PPP4R2: variants seen among roughly 807,000 people sequenced by gnomAD.
PPP4R2 encodes the protein serine/threonine-protein phosphatase 4 regulatory subunit 2.
A neutral mutation model predicts 47.2 loss-of-function variants in PPP4R2; 13 were observed. The ratio of observed to expected loss-of-function variants is 0.28; its 90% CI spans 0.18 to 0.44. The LOEUF (loss-of-function observed/expected upper bound fraction) is 0.44. Ranked by LOEUF, PPP4R2 falls within the 20% of genes least tolerant of loss-of-function variation. The probability of loss-of-function intolerance (pLI) is 1.00; values close to 1 mark genes in which losing one functional copy is unlikely to be tolerated. For missense variants in PPP4R2, 421 were observed against 491.2 expected, an observed-to-expected ratio of 0.86 and a Z score of 1.35; for synonymous variants, 151 against 163.3, an observed-to-expected ratio of 0.92 and a Z score of 0.57.
At chr3:73,002,629 CTTTTCTTTTTTTTTTT>C (rs1371079847) in intron 2 of PPP4R2, among the ~76,000 whole-genome samples, 2 of 83,004 alleles carry the variant, frequency 2.4e-5, no homozygotes, top group Non-Finnish European at 2.4e-5. Flanking sequence ...CTTTTCTTTT[CTTTTCTTTTTTTTTTT>C]TTTTTTTTTT....
intron 2 of PPP4R2, among the ~76,000 whole-genome samples, chr3:73,000,121 C>T (rs1161813952): frequency 6.6e-6 from 1 of 152,162 alleles, no homozygotes; most frequent in East Asian, 1.9e-4. Context: ...TGTGGTGGCT[C>T]ATGCCTGTAT....
At chr3:73,022,277 C>G (rs1003014228) in intron 2 of PPP4R2, among the ~76,000 whole-genome samples, 2 of 151,966 alleles carry the variant, frequency 1.3e-5, no homozygotes, top group African/African-American at 4.8e-5. Flanking sequence ...AAAAATTAGG[C>G]CTGGAGGAAA....
At chr3:73,018,466 G>GTTATGTTTGTTATGTTATGTTATGT (rs1553646475) in intron 2 of PPP4R2, among the ~76,000 whole-genome samples, 1 of 68,746 alleles carries the variant, frequency 1.5e-5, no homozygotes, top group Non-Finnish European at 3.1e-5. Context: ...TGTTATGTTA[G>GTTATGTTTGTTATGTTATGTTATGT]TATCCGAAAC....
intron 2 of PPP4R2, among the ~76,000 whole-genome samples, chr3:73,012,308 CT>C (rs1045600708): frequency 1.3e-5 from 2 of 151,374 alleles, no homozygotes; most frequent in East Asian, 1.9e-4. Context: ...TTTTCTCCTT[CT>C]TTTTTTTTGA....
chr3:73,020,672 T>TAAAAAAAAAAAA (rs1553646728), intron 2 of PPP4R2, among the ~76,000 whole-genome samples: 1 of 133,206 alleles, frequency 7.5e-6, no homozygotes, highest in African/African-American at 2.9e-5. Context: ...CCTGTCTCTT[T>TAAAAAAAAAAAA]AAAAAAAAAA....
intron 3 of PPP4R2, among the ~76,000 whole-genome samples, chr3:73,053,217 TTCTG>T (rs1475887367): frequency 6.6e-6 from 1 of 152,176 alleles, no homozygotes; most frequent in Non-Finnish European, 1.5e-5. Flanking sequence ...TGTGGCAGAT[TTCTG>T]TCTCTCTCAC....
At chr3:73,049,950 T>TTTTA (rs1311461172) in intron 3 of PPP4R2, among the ~76,000 whole-genome samples, 1 of 151,670 alleles carries the variant, frequency 6.6e-6, no homozygotes, top group Non-Finnish European at 1.5e-5. Context: ...TTTTGTTTTA[T>TTTTA]TTTATTTATT....
intron 2 of PPP4R2, among the ~76,000 whole-genome samples, chr3:73,021,410 A>G (rs1701957598): frequency 1.3e-5 from 2 of 151,226 alleles, no homozygotes; most frequent in Admixed American, 1.3e-4. Flanking sequence ...ATTTTTATAT[A>G]TTTTTTTGTG....
intron 2 of PPP4R2, among the ~76,000 whole-genome samples, chr3:73,040,440 G>A (rs1212591822): frequency 2.0e-5 from 3 of 151,686 alleles, no homozygotes; most frequent in Non-Finnish European, 4.4e-5. Flanking sequence ...TTTATTATTA[G>A]GCTGTTAATC....
intron 2 of PPP4R2, among the ~76,000 whole-genome samples, chr3:73,016,822 T>C (rs1004899767): frequency 4.1e-5 from 6 of 145,978 alleles, no homozygotes; most frequent in Non-Finnish European, 7.5e-5. Flanking sequence ...TCTTTTTTTT[T>C]TTTTTTTTTT....
Position 73,065,720 on chromosome 3 carries a change from T to C in PPP4R2, c.1252T>C (p.Ter418GlnextTer6). 1.3e-6 allele frequency: 2 copies of C among 1,585,888 alleles called. No individual in the cohort carries two copies. Among genetic ancestry groups the C allele is most frequent in the East Asian group, 4.5e-5 (2 of 44,262 alleles). The change falls in exon 9 of 9, where the codon TAA becomes CAA. Residue 418 changes from the stop codon to glutamine, a stop_lost. Transcript: ENST00000356692. Reference protein sequence around the residue: ...EVTDEPMEQD* With the variant: ...EVTDEPMEQDQ ...CACCGATGAACCAATGGAACAAGAC[T>C]AACTATTTAGAAACATTTAGATGCA...
At chr3:73,053,620 G>A (rs931778303) in intron 3 of PPP4R2, among the ~76,000 whole-genome samples, 1 of 151,940 alleles carries the variant, frequency 6.6e-6, no homozygotes, top group African/African-American at 2.4e-5. Flanking sequence ...ATTAAAAGAG[G>A]CGAAATTAGC....
At chr3:73,049,159 T>A (rs930453831) in intron 3 of PPP4R2, among the ~76,000 whole-genome samples, 4 of 152,212 alleles carry the variant, frequency 2.6e-5, no homozygotes, top group African/African-American at 9.6e-5. Context: ...TAGAAGCATG[T>A]TGCATAAGAT....
At chr3:73,049,412 T>C (rs1345152154) in intron 3 of PPP4R2, among the ~76,000 whole-genome samples, 1 of 151,802 alleles carries the variant, frequency 6.6e-6, no homozygotes, top group Non-Finnish European at 1.5e-5. Context: ...GGCAGGAAAA[T>C]GGGGTGAACC....
intron 2 of PPP4R2, among the ~76,000 whole-genome samples, chr3:73,036,003 A>G (rs1386034608): frequency 3.9e-5 from 6 of 152,212 alleles, no homozygotes; most frequent in African/African-American, 2.4e-5. Context: ...GGATGCATGG[A>G]TAAAGAAAAT....
At chr3:73,060,800 A>G (rs1480603866) in intron 4 of PPP4R2, among the ~76,000 whole-genome samples, 4 of 147,858 alleles carry the variant, frequency 2.7e-5, no homozygotes, top group African/African-American at 7.6e-5. Context: ...TAAGTATAGG[A>G]AAAAAAAAAT....
Position 73,065,721 on chromosome 3 carries a change from A to T in PPP4R2, c.1253A>T (p.Ter418LeuextTer6), listed in dbSNP as rs1324273979. 2.5e-6 allele frequency: 4 copies of T among 1,584,162 alleles called. No individual in the cohort carries two copies. Among genetic ancestry groups the T allele is most frequent in the Non-Finnish European group, 3.4e-6 (4 of 1,161,156 alleles). The change falls in exon 9 of 9, where the codon TAA becomes TTA. Residue 418 changes from the stop codon to leucine (L), a stop_lost. Transcript: ENST00000356692. Reference protein sequence around the residue: ...EVTDEPMEQD* With the variant: ...EVTDEPMEQDL ...ACCGATGAACCAATGGAACAAGACT[A>T]ACTATTTAGAAACATTTAGATGCAG...
At chr3:73,002,790 C>T (rs1222377434) in intron 2 of PPP4R2, among the ~76,000 whole-genome samples, 4 of 150,886 alleles carry the variant, frequency 2.7e-5, no homozygotes, top group Admixed American at 6.6e-5. Flanking sequence ...TACAGGCATG[C>T]GCCACCACGC....
At chr3:73,040,170 A>G (rs1702347540) in intron 2 of PPP4R2, among the ~76,000 whole-genome samples, 2 of 152,240 alleles carry the variant, frequency 1.3e-5, no homozygotes, top group Non-Finnish European at 1.5e-5. Context: ...AGGTAAAAAT[A>G]TTCCATTTCA....
Sources: gnomAD v4.1 joint callset for allele counts (sites outside exome capture counted in the v4.1 genomes callset) on GRCh38, gnomAD v4.1.1 for gene constraint, MANE v1.5 for transcripts, NCBI Gene and HGNC (gene_info 2026-07-23, HGNC 2026-07-21) for gene names.